Variants in FRMD3 observed in about 807,000 individuals in gnomAD.
The protein encoded by FRMD3 is FERM domain containing 3.
FRMD3 carries 33 observed loss-of-function variants against 70.2 expected under a neutral mutation model. The ratio of observed to expected loss-of-function variants is 0.47; its 90% CI spans 0.36 to 0.63. The LOEUF is 0.63. FRMD3 is among the 20% of genes least tolerant of loss of function. The pLI is 0.00. For synonymous variants in FRMD3, 279 were observed against 255.9 expected, an observed-to-expected ratio of 1.09 and a Z score of -0.86; for missense variants, 632 against 711.4, an observed-to-expected ratio of 0.89 and a Z score of 1.27.
chr9:83,392,533 C>T (rs377275666), intron 1 of FRMD3, among the ~76,000 whole-genome samples: 67 of 152,208 alleles, frequency 4.4e-4, no homozygotes, highest in African/African-American at 1.5e-3. Context: ...ATGACCTGAA[C>T]CTTCCACATG....
chr9:83,444,466 C>G (rs538898263), intron 1 of FRMD3, among the ~76,000 whole-genome samples: 2 of 152,314 alleles, frequency 1.3e-5, no homozygotes, highest in Admixed American at 6.5e-5. Flanking sequence ...TCTTTCCAGG[C>G]AAAATAGAAA....
At chr9:83,576,903 C>T in the FRMD3 span, among the ~76,000 whole-genome samples, 1 of 152,008 alleles carries the variant, frequency 6.6e-6, no homozygotes. Context: ...AGCAAGGTTG[C>T]CAGCTTAATA....
chr9:83,313,989 G>GATCC (rs1835466077), intron 6 of FRMD3, among the ~76,000 whole-genome samples: 1 of 152,186 alleles, frequency 6.6e-6, no homozygotes, highest in South Asian at 2.1e-4. Context: ...GCGCTCCAGT[G>GATCC]ATCCGTACAG....
chr9:83,373,539 TA>T (rs1458354331), intron 2 of FRMD3, among the ~76,000 whole-genome samples: 1 of 152,038 alleles, frequency 6.6e-6, no homozygotes, highest in Non-Finnish European at 1.5e-5. Context: ...TATCACAAAA[TA>T]AAGAAGCCAA....
the FRMD3 span, among the ~76,000 whole-genome samples, chr9:83,555,179 C>T: frequency 1.3e-5 from 2 of 149,390 alleles, no homozygotes; most frequent in Admixed American, 1.3e-4. Context: ...ACTTTGGCCC[C>T]CAGTCACCTC....
intron 1 of FRMD3, among the ~76,000 whole-genome samples, chr9:83,506,390 A>G (rs1258664058): frequency 2.0e-5 from 3 of 152,206 alleles, no homozygotes; most frequent in Non-Finnish European, 4.4e-5. Context: ...ACAGACTACT[A>G]TGCACCCAGG....
rs543655741 is a variant in FRMD3, at chr9:83,298,613, G to A, written c.1070+135C>T. Reference sequence around the variant, plus strand: ...CTCATGCCATGGCCCAGGCAAATCTGTCTGAGTGAGATGTCTAAGGAAGTG... The same window carrying A: ...CTCATGCCATGGCCCAGGCAAATCTATCTGAGTGAGATGTCTAAGGAAGTG... On this transcript the variant is annotated intron_variant, in intron 12 of 13. Transcript: ENST00000304195. 234 of 687,672 alleles carry A rather than the reference G, an allele frequency of 3.4e-4. 2 individuals are homozygous for A. In the South Asian group the frequency reaches 4.0e-3, roughly 12 times the overall value. The allele number at this position is 687,672 out of a possible 1,614,324, so 42.6% of individuals were successfully genotyped here. A position where few individuals can be genotyped will look rare whatever the true frequency, so the allele number is the denominator to read the frequency against.
chr9:83,348,348 A>G (rs1056550003), intron 4 of FRMD3, among the ~76,000 whole-genome samples: 2 of 152,190 alleles, frequency 1.3e-5, no homozygotes, highest in Non-Finnish European at 2.9e-5. Flanking sequence ...AAAATTTTCA[A>G]TCCAAAATCA....
At chr9:83,269,461 C>T (rs1833442554) in intron 13 of FRMD3, among the ~76,000 whole-genome samples, 1 of 152,110 alleles carries the variant, frequency 6.6e-6, no homozygotes, top group African/African-American at 2.4e-5. Context: ...GTATTATTAT[C>T]TTTGGGAGGC....
intron 3 of FRMD3, among the ~76,000 whole-genome samples, chr9:83,364,202 T>C (rs1291937074): frequency 6.6e-6 from 1 of 152,226 alleles, no homozygotes; most frequent in Non-Finnish European, 1.5e-5. Context: ...GCAAATGTTC[T>C]TCCCATTATT....
chr9:83,416,786 TCA>T (rs1304868080), intron 1 of FRMD3, among the ~76,000 whole-genome samples: 7,232 of 57,436 alleles, frequency 0.13, 243 homozygotes, highest in East Asian at 0.24. Flanking sequence ...TCTCTCTCTC[TCA>T]CTCTCTCTCT....
At chr9:83,278,486 C>T (rs1372429709) in intron 13 of FRMD3, among the ~76,000 whole-genome samples, 2 of 152,096 alleles carry the variant, frequency 1.3e-5, no homozygotes, top group Non-Finnish European at 2.9e-5. Flanking sequence ...CATGGAAATA[C>T]ATTTGGGTTA....
intron 13 of FRMD3, among the ~76,000 whole-genome samples, chr9:83,263,488 T>C (rs957004771): frequency 6.6e-6 from 1 of 152,188 alleles, no homozygotes; most frequent in Non-Finnish European, 1.5e-5. Flanking sequence ...ATGGCAAACA[T>C]TATATAATAG....
intron 6 of FRMD3, among the ~76,000 whole-genome samples, chr9:83,323,318 C>A (rs1406208322): frequency 6.6e-6 from 1 of 152,158 alleles, no homozygotes; most frequent in Non-Finnish European, 1.5e-5. Flanking sequence ...GAATACTATA[C>A]AGGCATGAAA....
At chr9:83,507,405 C>G (rs1212471416) in intron 1 of FRMD3, among the ~76,000 whole-genome samples, 1 of 142,746 alleles carries the variant, frequency 7.0e-6, no homozygotes, top group Non-Finnish European at 1.5e-5. Flanking sequence ...TGGTGGCTCA[C>G]GCCTGTAATC....
downstream of FRMD3, chr9:83,242,995 G>C: frequency 1.7e-6 from 1 of 595,714 alleles, no homozygotes; most frequent in South Asian, 2.0e-5. Flanking sequence ...GCCAGGAGAG[G>C]GTTAAAAGCA....
intron 1 of FRMD3, among the ~76,000 whole-genome samples, chr9:83,391,950 G>C (rs1401747578): frequency 6.6e-6 from 1 of 152,094 alleles, no homozygotes; most frequent in Non-Finnish European, 1.5e-5. Flanking sequence ...TGCTGCACCT[G>C]GTCTGCATTT....
chr9:83,369,433 G>A (rs1180982009), intron 3 of FRMD3, among the ~76,000 whole-genome samples: 2 of 151,906 alleles, frequency 1.3e-5, no homozygotes. Flanking sequence ...AAAATTAGCT[G>A]GGTGCGGTGG....
At chr9:83,335,460 C>A (rs1250434468) in intron 6 of FRMD3, 56 bp downstream of exon 6, 7 of 1,485,972 alleles carry the variant, frequency 4.7e-6, no homozygotes, top group East Asian at 4.5e-5. Flanking sequence ...ACATTCCCTG[C>A]AGTAAGAATA....
Sources: allele counts gnomAD v4.1 joint callset (sites outside exome capture counted in the v4.1 genomes callset), GRCh38; gene constraint gnomAD v4.1.1; transcripts MANE v1.5; gene names NCBI Gene and HGNC (gene_info 2026-07-23, HGNC 2026-07-21).